The following SYNDIG1 variants were observed in gnomAD, a reference collection of about 807,000 sequenced individuals.
The protein encoded by SYNDIG1 is synapse differentiation inducing 1, also known as synapse differentiation-inducing gene protein 1.
SYNDIG1 carries 9 observed loss-of-function variants against 19.4 expected under a neutral mutation model. That is an observed-to-expected ratio of 0.46 (90% CI 0.28 to 0.81). The LOEUF is 0.81. Ranked by LOEUF, SYNDIG1 falls within the 30% of genes least tolerant of loss-of-function variation. The pLI is 0.12. For missense variants in SYNDIG1, 311 were observed against 343.3 expected (o/e 0.91, Z 0.74); for synonymous variants, 141 against 145.9 (o/e 0.97, Z 0.24).
At chr20:24,534,520 T>C (rs1033596143) in intron 1 of SYNDIG1, among the ~76,000 whole-genome samples, 1 of 152,232 alleles carries the variant, frequency 6.6e-6, no homozygotes, top group Non-Finnish European at 1.5e-5. Context: ...GCCGGAACAG[T>C]GCCCCTCGGT....
intron 1 of SYNDIG1, among the ~76,000 whole-genome samples, chr20:24,491,226 C>T (rs934812164): frequency 2.0e-5 from 3 of 152,208 alleles, no homozygotes; most frequent in African/African-American, 7.2e-5. Flanking sequence ...TTTGGGAATT[C>T]TTTGAAGGCA....
chr20:24,513,009 C>T (rs534633375), intron 1 of SYNDIG1, among the ~76,000 whole-genome samples: 1 of 152,182 alleles, frequency 6.6e-6, no homozygotes, highest in South Asian at 2.1e-4. Context: ...GATAACCAGG[C>T]AAACAGGGTC....
At position 24,665,435 on chromosome 20, in the gene SYNDIG1, T is replaced by C. The variant is rs139512326; in HGVS notation, c.708T>C (p.Ile236=). 2,149 of 1,613,660 alleles carry C rather than the reference T, an allele frequency of 1.3e-3. 2 individuals carry two copies. The highest frequency in any genetic ancestry group is 2.2e-3 in the Admixed American group (129 of 59,968). Residue 236 remains isoleucine (I), a synonymous_variant, in exon 4 of 4, where the codon ATT becomes ATC. Transcript: ENST00000376862. ...TCCTGGCAGTGCTGTCCATCACCAT[T>C]GGGACTGGCGTCTATGTGGGCGTGG... ...ALFLAVLSIT[I]GTGVYVGVAV...
chr20:24,503,896 G>A (rs1366581306), intron 1 of SYNDIG1, among the ~76,000 whole-genome samples: 2 of 151,578 alleles, frequency 1.3e-5, no homozygotes, highest in Admixed American at 6.6e-5. Flanking sequence ...TGACTGGATT[G>A]AAGACATTTC....
intron 3 of SYNDIG1, among the ~76,000 whole-genome samples, chr20:24,587,334 G>C (rs1331244186): frequency 1.3e-5 from 2 of 152,180 alleles, no homozygotes; most frequent in Non-Finnish European, 2.9e-5. Flanking sequence ...CTGTGGAGCT[G>C]AGTCCCCTTG....
chr20:24,625,171 C>G (rs2059103755), intron 3 of SYNDIG1, among the ~76,000 whole-genome samples: 2 of 151,972 alleles, frequency 1.3e-5, no homozygotes, highest in South Asian at 4.2e-4. Flanking sequence ...AAGGAAATAA[C>G]TACAATTAGA....
At chr20:24,555,876 CGTT>C (rs1388141931) in intron 2 of SYNDIG1, among the ~76,000 whole-genome samples, 10 of 152,070 alleles carry the variant, frequency 6.6e-5, no homozygotes, top group African/African-American at 2.4e-4. Flanking sequence ...ATTTCTGTCT[CGTT>C]GATCTGTCTA....
chr20:24,612,730 C>G (rs945312388), intron 3 of SYNDIG1, among the ~76,000 whole-genome samples: 6 of 152,196 alleles, frequency 3.9e-5, no homozygotes, highest in African/African-American at 1.4e-4. Flanking sequence ...AGGGTTCCAG[C>G]TCTTAGTGGT....
intron 2 of SYNDIG1, among the ~76,000 whole-genome samples, chr20:24,549,957 A>T (rs1600593732): frequency 6.6e-6 from 1 of 152,164 alleles, no homozygotes; most frequent in East Asian, 1.9e-4. Flanking sequence ...TTTCTCTGCC[A>T]TGTTGTTCTG....
chr20:24,603,147 C>G (rs1453718337), intron 3 of SYNDIG1, among the ~76,000 whole-genome samples: 1 of 152,150 alleles, frequency 6.6e-6, no homozygotes, highest in African/African-American at 2.4e-5. Flanking sequence ...GTGTTTGTAT[C>G]TGATGCAAAG....
intron 3 of SYNDIG1, among the ~76,000 whole-genome samples, chr20:24,604,994 A>G (rs1034212874): frequency 1.8e-4 from 28 of 152,302 alleles, no homozygotes; most frequent in African/African-American, 6.5e-4. Context: ...TAGATTCAGA[A>G]TCAGCCCAAA....
intron 2 of SYNDIG1, among the ~76,000 whole-genome samples, chr20:24,576,963 G>T (rs1202465155): frequency 1.3e-5 from 2 of 152,070 alleles, no homozygotes; most frequent in Non-Finnish European, 2.9e-5. Context: ...AAGTGGAGGG[G>T]TTTTGTCAGT....
chr20:24,589,036 C>T lies in SYNDIG1; in HGVS notation c.618+4043C>T, dbSNP rs916003292. On this transcript the variant is annotated intron_variant, in intron 3 of 3. Coordinates refer to ENST00000376862, the MANE Select transcript of SYNDIG1 (RefSeq NM_024893.3). ...TTTTGCCCAACAATGTTCCATCCAGCCCCCATTGCAAGCACGCTTTGTAAA... is the reference window on the plus strand; with the variant it reads ...TTTTGCCCAACAATGTTCCATCCAGTCCCCATTGCAAGCACGCTTTGTAAA... 2.1e-4 allele frequency among the ~76,000 whole-genome samples: 32 copies of T among 152,122 alleles called. 1 individual carries two copies. The highest frequency in any genetic ancestry group is 7.7e-4 in the African/African-American group (32 of 41,406).
rs11905304 is a variant in SYNDIG1 at position 24,506,904 on chromosome 20, C to T, written c.-78-36116C>T. On this transcript the variant is annotated intron_variant, in intron 1 of 3. Transcript: ENST00000376862. ...AGCTGGGCAGTGGGCAAGAAAGCCT[C>T]GGAGCTCATTTAGTCATGAGGGGAT... 9.2e-3 allele frequency among the ~76,000 whole-genome samples: 1,405 copies of T among 152,236 alleles called. 23 individuals are homozygous for T. Among genetic ancestry groups the T allele is most frequent in the African/African-American group, 0.032 (1,345 of 41,534 alleles).
intron 2 of SYNDIG1, among the ~76,000 whole-genome samples, chr20:24,568,361 A>G (rs1053410932): frequency 6.6e-6 from 1 of 151,850 alleles, no homozygotes; most frequent in African/African-American, 2.4e-5. Flanking sequence ...TTTCAGCTGG[A>G]GTTGTCCCCT....
In SYNDIG1 at chr20:24,594,927, G is replaced by C. The variant is rs2058573701; in HGVS notation, c.618+9934G>C. On this transcript the variant is annotated intron_variant, in intron 3 of 3. Coordinates refer to ENST00000376862, the MANE Select transcript of SYNDIG1 (RefSeq NM_024893.3). ...TAGGAGCTTTCGGGTAGAGACTATG[G>C]GTTTTTCTAAGTATAGAATCTTATT... Among the ~76,000 whole-genome samples the C allele has an allele frequency of 1.3e-5, 2 of 152,094 alleles. 1 individual carries two copies. Among genetic ancestry groups the C allele is most frequent in the South Asian group, 4.1e-4 (2 of 4,822 alleles).
chr20:24,607,479 AC>A (rs1339766779), intron 3 of SYNDIG1, among the ~76,000 whole-genome samples: 1 of 152,000 alleles, frequency 6.6e-6, no homozygotes, highest in East Asian at 1.9e-4. Flanking sequence ...TGCCTGATTC[AC>A]CCGGGCTGCT....
At position 24,549,466 on chromosome 20, in the gene SYNDIG1, C is replaced by T. The variant is rs927151891; in HGVS notation, c.480+5889C>T. On this transcript the variant is annotated intron_variant, in intron 2 of 3. Coordinates refer to ENST00000376862, the MANE Select transcript of SYNDIG1 (RefSeq NM_024893.3). ...GAGTTCCCTGATTCCCCTTGCAGGA[C>T]GTGGGGTGGGTGTGGTTCACCTGTT... Among the ~76,000 whole-genome samples, 5 of 152,114 alleles carry T rather than the reference C, an allele frequency of 3.3e-5. No individual in the cohort carries two copies. The South Asian group carries it at 6.2e-4, about 19-fold the overall frequency.
chr20:24,647,157 A>G (rs1278151775), intron 3 of SYNDIG1, among the ~76,000 whole-genome samples: 1 of 152,214 alleles, frequency 6.6e-6, no homozygotes, highest in Non-Finnish European at 1.5e-5. Flanking sequence ...CCTGACAGTC[A>G]GCACTTCATT....
Sources: allele counts gnomAD v4.1 joint callset (sites outside exome capture counted in the v4.1 genomes callset), GRCh38; gene constraint gnomAD v4.1.1; transcripts MANE v1.5; gene names NCBI Gene and HGNC (gene_info 2026-07-23, HGNC 2026-07-21).